The following CYP19A1 variants were observed in gnomAD, a reference collection of about 807,000 sequenced individuals.
CYP19A1 encodes the protein cytochrome P450 family 19 subfamily A member 1.
In CYP19A1, 32 loss-of-function variants were observed where a neutral mutation model predicts 44.4. That is an observed-to-expected ratio of 0.72 (90% confidence interval 0.54 to 0.97). The LOEUF (loss-of-function observed/expected upper bound fraction) is 0.97. Ranked by LOEUF, CYP19A1 falls within the 50% of genes least tolerant of loss-of-function variation. CYP19A1 has a pLI of 0.00. For synonymous variants in CYP19A1, 212 were observed against 215.6 expected (o/e 0.98, Z 0.14); for missense variants, 598 against 637.8 (o/e 0.94, Z 0.67).
intron 1 of CYP19A1, among the ~76,000 whole-genome samples, chr15:51,253,387 A>T (rs2034399114): frequency 6.6e-6 from 1 of 152,194 alleles, no homozygotes; most frequent in Admixed American, 6.5e-5. Context: ...ATGCCTTTGA[A>T]AAGGTTACTA....
chr15:51,271,429 C>T lies in CYP19A1; in HGVS notation c.-38-28479G>A, dbSNP rs144879253. On this transcript the variant is annotated intron_variant, in intron 1 of 9. Transcript: ENST00000396402. ...CAGATCGTTCCCCTGTCTTCCTGTA[C>T]TCTCAGAAGAGTACATCTTTTCTGA... Among the ~76,000 whole-genome samples, 650 of 152,316 alleles carry T rather than the reference C, an allele frequency of 4.3e-3. 5 individuals are homozygous for T. The highest frequency in any genetic ancestry group is 0.015 in the African/African-American group (618 of 41,560).
At position 51,294,581 on chromosome 15, in the gene CYP19A1, T is replaced by TGG. The variant is rs559000531; in HGVS notation, c.-39+43912_-39+43913dup. ...GCAGCCGCCCCGTCCGGGAGGGAGG[T>TGG]GGGGGGATCAGCCCCCCGCCCGGCC... is the stretch of plus-strand genomic sequence containing the variant. On this transcript the variant is annotated intron_variant, in intron 1 of 9. Coordinates refer to ENST00000396402, the MANE Select transcript of CYP19A1 (RefSeq NM_000103.4). 6.3e-3 allele frequency among the ~76,000 whole-genome samples: 862 copies of TGG among 136,568 alleles called. 9 individuals are homozygous for TGG. The highest frequency in any genetic ancestry group is 0.023 in the African/African-American group (779 of 33,828). 89.6% of individuals were successfully genotyped at this position (136,568 alleles called of 152,430 possible).
chr15:51,210,656 C>T lies in CYP19A1; in HGVS notation c.*152G>A, dbSNP rs757861093. On this transcript the variant is annotated 3_prime_UTR_variant, in exon 10 of 10. Coordinates refer to ENST00000396402, the MANE Select transcript of CYP19A1 (RefSeq NM_000103.4). ...AACAGGAGCAGATGACAAATAGCAC[C>T]TAGCTTGGTGACAACCCATAGGAGG... The T allele has an allele frequency of 1.3e-6, 1 of 761,618 alleles. No individual in the cohort carries two copies. Among genetic ancestry groups the T allele is most frequent in the Non-Finnish European group, 2.4e-6 (1 of 414,226 alleles). 47.2% of individuals were successfully genotyped at this position (761,618 alleles called of 1,614,324 possible).
In CYP19A1 at chr15:51,210,964, A is replaced by G. The variant is rs974604558; in HGVS notation, c.1356T>C (p.Val452=). Residue 452 remains valine, a synonymous_variant, in exon 10 of 10, where the codon GTT becomes GTC. Transcript: ENST00000396402. ...TCACGTGGAATCGTCTCAGAAGTGTAACGAGGATGGCTTTCATCATCACCA... is the reference window on the plus strand; with the variant it reads ...TCACGTGGAATCGTCTCAGAAGTGTGACGAGGATGGCTTTCATCATCACCA... The part of the protein sequence containing the change: ...IAMVMMKAIL[V]TLLRRFHVKT... 6.2e-7 allele frequency: 1 copy of G among 1,607,440 alleles called. No homozygotes were observed. Among genetic ancestry groups the G allele is most frequent in the Non-Finnish European group, 8.5e-7 (1 of 1,173,914 alleles).
At chr15:51,321,415 C>G (rs759221409) in intron 1 of CYP19A1, among the ~76,000 whole-genome samples, 1 of 152,178 alleles carries the variant, frequency 6.6e-6, no homozygotes, top group Admixed American at 6.5e-5. Context: ...TGATGCCCTG[C>G]CCAGTGGCCA....
chr15:51,313,765 C>A (rs544555430), intron 1 of CYP19A1, among the ~76,000 whole-genome samples: 30 of 152,178 alleles, frequency 2.0e-4, no homozygotes, highest in Admixed American at 1.9e-3. Flanking sequence ...CCACTGCAGT[C>A]CAGCCTGGGC....
At chr15:51,334,183 C>T (rs952182470) in intron 1 of CYP19A1, among the ~76,000 whole-genome samples, 1 of 152,204 alleles carries the variant, frequency 6.6e-6, no homozygotes, top group African/African-American at 2.4e-5. Flanking sequence ...TCTATTGTTT[C>T]ACTTCCTGTC....
In CYP19A1 at chr15:51,246,445, G is replaced by A. The variant is rs567417174; in HGVS notation, c.-38-3495C>T. On this transcript the variant is annotated intron_variant, in intron 1 of 9. Coordinates refer to ENST00000396402, the MANE Select transcript of CYP19A1 (RefSeq NM_000103.4). ...GGCCTGGCACCAAGCAGGGACTCTG[G>A]CCACTTGATGCACTAGGCCTGTGTG... 5.3e-5 allele frequency among the ~76,000 whole-genome samples: 8 copies of A among 152,316 alleles called. No homozygotes were observed. The South Asian group carries it at 1.7e-3, about 32-fold the overall frequency.
chr15:51,242,621 C>T (rs2033837496), intron 2 of CYP19A1, 147 bp downstream of exon 2: 5 of 660,474 alleles, frequency 7.6e-6, no homozygotes, highest in Admixed American at 7.0e-5. Context: ...AAATTTTCTC[C>T]CAAGTCCTCA....
intron 1 of CYP19A1, among the ~76,000 whole-genome samples, chr15:51,306,756 A>G (rs148322114): frequency 2.2e-4 from 33 of 152,376 alleles, no homozygotes; most frequent in African/African-American, 7.7e-4. Context: ...TTAACAATAC[A>G]GGATAATTGT....
intron 1 of CYP19A1, among the ~76,000 whole-genome samples, chr15:51,303,962 C>G (rs932984308): frequency 6.6e-6 from 1 of 152,098 alleles, no homozygotes; most frequent in African/African-American, 2.4e-5. Flanking sequence ...TGTTCAAATG[C>G]AGAGAGGAGG....
At chr15:51,229,593 C>T (rs1039777855) in intron 3 of CYP19A1, among the ~76,000 whole-genome samples, 17 of 152,078 alleles carry the variant, frequency 1.1e-4, no homozygotes, top group African/African-American at 3.6e-4. Flanking sequence ...AATCCAGATG[C>T]TTCCATTTGT....
chr15:51,230,216 C>A (rs2032920062), intron 3 of CYP19A1, among the ~76,000 whole-genome samples: 1 of 152,190 alleles, frequency 6.6e-6, no homozygotes, highest in Admixed American at 6.5e-5. Flanking sequence ...GAACTAAGGA[C>A]CCCAGCCCAG....
At chr15:51,243,920 A>G (rs1566891697) in intron 1 of CYP19A1, among the ~76,000 whole-genome samples, 1 of 152,216 alleles carries the variant, frequency 6.6e-6, no homozygotes, top group Non-Finnish European at 1.5e-5. Context: ...GTAGCTGAAG[A>G]GGTGTAGGTT....
chr15:51,274,951 C>G (rs994063585), intron 1 of CYP19A1, among the ~76,000 whole-genome samples: 5 of 152,206 alleles, frequency 3.3e-5, no homozygotes, highest in Non-Finnish European at 7.3e-5. Context: ...CTCACCCCCA[C>G]TCTCAGGCCT....
chr15:51,297,688 A>G (rs2036023677), intron 1 of CYP19A1, among the ~76,000 whole-genome samples: 1 of 151,914 alleles, frequency 6.6e-6, no homozygotes, highest in African/African-American at 2.4e-5. Context: ...CAGTAGGGGT[A>G]TCTTGTTTCT....
chr15:51,260,549 C>T (rs936241409), intron 1 of CYP19A1, among the ~76,000 whole-genome samples: 1 of 152,110 alleles, frequency 6.6e-6, no homozygotes, highest in Non-Finnish European at 1.5e-5. Flanking sequence ...CAGGCTATCC[C>T]AAAGTTAAGA....
At chr15:51,240,071 C>T (rs1398575211) in intron 2 of CYP19A1, among the ~76,000 whole-genome samples, 1 of 2,004 alleles carries the variant, frequency 5.0e-4, no homozygotes, top group Non-Finnish European at 1.3e-3. Context: ...CCCCCGGCCA[C>T]TCCCCCTTCT....
At position 51,264,378 on chromosome 15, in the gene CYP19A1, C is replaced by CG. The variant is rs1432907187; in HGVS notation, c.-38-21429dup. On this transcript the variant is annotated intron_variant, in intron 1 of 9. Coordinates refer to ENST00000396402, the MANE Select transcript of CYP19A1 (RefSeq NM_000103.4). ...AGTTACTTAGAATGATGGCAGGAGT[C>CG]GGGGGGGAGGGTAAGACCCCGAGAA... Among the ~76,000 whole-genome samples the CG allele has an allele frequency of 9.9e-5, 15 of 151,744 alleles. No individual in the cohort carries two copies. In the East Asian group the frequency reaches 2.3e-3, roughly 24 times the overall value.
Sources: gnomAD v4.1 joint callset for allele counts (sites outside exome capture counted in the v4.1 genomes callset) on GRCh38, gnomAD v4.1.1 for gene constraint, MANE v1.5 for transcripts, NCBI Gene and HGNC (gene_info 2026-07-23, HGNC 2026-07-21) for gene names.